Variants in MACROD2 observed in about 807,000 individuals in gnomAD.
MACROD2 encodes the protein mono-ADP ribosylhydrolase 2, also known as ADP-ribose glycohydrolase MACROD2.
Under a neutral mutation model 70.4 loss-of-function variants are expected in MACROD2, and 36 were observed. The observed-to-expected ratio is 0.51, with a 90% CI of 0.39 to 0.68. The LOEUF is 0.68. Among genes scored for constraint, MACROD2 ranks in the 30% least tolerant of loss-of-function variants. MACROD2 has a pLI of 0.00. For synonymous variants in MACROD2, 172 were observed against 178.8 expected, an observed-to-expected ratio of 0.96 and a Z score of 0.30; for missense variants, 496 against 538.4, an observed-to-expected ratio of 0.92 and a Z score of 0.78.
chr20:15,006,363 G>C (rs952556543), intron 5 of MACROD2, among the ~76,000 whole-genome samples: 2 of 151,970 alleles, frequency 1.3e-5, no homozygotes, highest in African/African-American at 2.4e-5. Flanking sequence ...GGGGAACGGG[G>C]AGATGTTGGT....
intron 8 of MACROD2, among the ~76,000 whole-genome samples, chr20:15,744,746 A>C (rs1278182194): frequency 6.6e-6 from 1 of 150,808 alleles, no homozygotes; most frequent in African/African-American, 2.4e-5. Context: ...ACTACACACA[A>C]GGTGTTTTTA....
intron 6 of MACROD2, among the ~76,000 whole-genome samples, chr20:15,429,821 G>A (rs1055141508): frequency 1.3e-5 from 2 of 151,938 alleles, no homozygotes; most frequent in Non-Finnish European, 2.9e-5. Context: ...GTGCACTGTT[G>A]TTACATGAAT....
chr20:15,555,854 AG>A (rs67650320), intron 8 of MACROD2, among the ~76,000 whole-genome samples: 7,063 of 101,742 alleles, frequency 0.069, 812 homozygotes, highest in East Asian at 0.14. Context: ...AAAAAAAAAA[AG>A]GAAAAGAAAA....
chr20:14,989,972 A>G (rs960561197), intron 5 of MACROD2, among the ~76,000 whole-genome samples: 3 of 152,026 alleles, frequency 2.0e-5, no homozygotes, highest in African/African-American at 7.2e-5. Flanking sequence ...GATCTTCATG[A>G]GCTGTGGTTT....
chr20:14,251,465 C>G (rs1182003565), intron 3 of MACROD2, among the ~76,000 whole-genome samples: 2 of 152,014 alleles, frequency 1.3e-5, no homozygotes, highest in Non-Finnish European at 2.9e-5. Flanking sequence ...ACACACCACA[C>G]TTTCAGATTG....
At chr20:14,873,841 A>G (rs2073517905) in intron 5 of MACROD2, among the ~76,000 whole-genome samples, 1 of 152,204 alleles carries the variant, frequency 6.6e-6, no homozygotes, top group Admixed American at 6.5e-5. Flanking sequence ...CCTGGGCACC[A>G]AGAACAAAAC....
chr20:16,044,427 C>T, intron 16 of MACROD2, 144 bp from the exon 17 acceptor site: 1 of 699,644 alleles, frequency 1.4e-6, no homozygotes, highest in Non-Finnish European at 2.4e-6. Context: ...CAAGAATAGT[C>T]CCCAAATCTT....
intron 3 of MACROD2, among the ~76,000 whole-genome samples, chr20:14,379,235 A>G (rs2083399899): frequency 2.0e-5 from 3 of 152,192 alleles, no homozygotes; most frequent in African/African-American, 7.2e-5. Flanking sequence ...CACATTTTAA[A>G]TCCAGGAAGA....
chr20:14,609,639 C>A (rs200639143), intron 4 of MACROD2, among the ~76,000 whole-genome samples: 1 of 152,072 alleles, frequency 6.6e-6, no homozygotes, highest in East Asian at 1.9e-4. Flanking sequence ...TCATTCTTCT[C>A]CCTGCAAAAA....
intron 2 of MACROD2, among the ~76,000 whole-genome samples, chr20:14,070,187 A>T (rs2053819286): frequency 6.6e-6 from 1 of 152,218 alleles, no homozygotes; most frequent in Admixed American, 6.5e-5. Flanking sequence ...CCCAAAAATG[A>T]CGTTGTAAAC....
chr20:15,723,705 G>C (rs1245368759), intron 8 of MACROD2, among the ~76,000 whole-genome samples: 1 of 152,140 alleles, frequency 6.6e-6, no homozygotes, highest in Non-Finnish European at 1.5e-5. Context: ...AGGACATCTT[G>C]GTTGCTTCCA....
At chr20:14,863,620 G>A (rs1166764846) in intron 5 of MACROD2, among the ~76,000 whole-genome samples, 3 of 151,794 alleles carry the variant, frequency 2.0e-5, no homozygotes, top group Non-Finnish European at 4.4e-5. Flanking sequence ...TTGTAAAGAA[G>A]AAAAAAGACA....
chr20:14,373,223 A>C (rs1304869600), intron 3 of MACROD2, among the ~76,000 whole-genome samples: 2 of 152,122 alleles, frequency 1.3e-5, no homozygotes, highest in Non-Finnish European at 2.9e-5. Context: ...ATACAGAGGA[A>C]ATATTTAGTG....
intron 5 of MACROD2, among the ~76,000 whole-genome samples, chr20:14,810,889 A>T (rs867747872): frequency 6.6e-6 from 1 of 152,094 alleles, no homozygotes; most frequent in Non-Finnish European, 1.5e-5. Flanking sequence ...AAGGGATGTG[A>T]AGGACCTCTT....
At chr20:14,203,168 C>CA (rs2081494581) in intron 3 of MACROD2, among the ~76,000 whole-genome samples, 1 of 151,866 alleles carries the variant, frequency 6.6e-6, no homozygotes, top group Admixed American at 6.6e-5. Context: ...TTGATCTTGT[C>CA]TACTGTTGAA....
chr20:14,306,204 T>A (rs2082519881), intron 3 of MACROD2, among the ~76,000 whole-genome samples: 1 of 152,190 alleles, frequency 6.6e-6, no homozygotes. Flanking sequence ...TTGGGAATGT[T>A]GTTAACTTCT....
chr20:15,209,031 G>C (rs1366655994), intron 5 of MACROD2, among the ~76,000 whole-genome samples: 1 of 152,104 alleles, frequency 6.6e-6, no homozygotes, highest in African/African-American at 2.4e-5. Flanking sequence ...TGTCTGTGCT[G>C]TATGGTTGGA....
intron 5 of MACROD2, among the ~76,000 whole-genome samples, chr20:15,138,395 A>G (rs576115992): frequency 6.6e-5 from 10 of 152,336 alleles, no homozygotes; most frequent in African/African-American, 2.2e-4. Flanking sequence ...TATGCATGTG[A>G]AATGTCTCAT....
chr20:14,366,559 G>T (rs911116361), intron 3 of MACROD2, among the ~76,000 whole-genome samples: 3 of 151,456 alleles, frequency 2.0e-5, no homozygotes, highest in Admixed American at 1.3e-4. Context: ...TAGAGATGGG[G>T]TTTCACCATG....
Sources: gnomAD v4.1 joint callset for allele counts (sites outside exome capture counted in the v4.1 genomes callset) on GRCh38, gnomAD v4.1.1 for gene constraint, MANE v1.5 for transcripts, NCBI Gene and HGNC (gene_info 2026-07-23, HGNC 2026-07-21) for gene names.